STRIP1: variants seen among roughly 807,000 people sequenced by gnomAD.
The protein encoded by STRIP1 is striatin interacting protein 1.
In STRIP1, 63 loss-of-function variants were observed where a neutral mutation model predicts 106.2. That is an observed-to-expected ratio of 0.59 (90% CI 0.48 to 0.73). The LOEUF is 0.73. Among genes scored for constraint, STRIP1 ranks in the 30% least tolerant of loss-of-function variants. STRIP1 has a pLI of 0.00. For synonymous variants in STRIP1, 390 were observed against 413.0 expected, an observed-to-expected ratio of 0.94 and a Z score of 0.67; for missense variants, 857 against 1,074.8, an observed-to-expected ratio of 0.80 and a Z score of 2.83.
chr1:110,048,084 C>T (rs1035887392), intron 15 of STRIP1: 2 of 542,922 alleles, frequency 3.7e-6, no homozygotes, highest in Admixed American at 3.1e-5. Context: ...TAGACTCTAC[C>T]ACTGAGCAAA....
At chr1:110,033,152 A>C (rs1358132201), upstream of STRIP1, among the ~76,000 whole-genome samples, 1 of 152,144 alleles carries the variant, frequency 6.6e-6, no homozygotes, top group Non-Finnish European at 1.5e-5. Context: ...GAACTCATCT[A>C]AAATCACACC....
At position 110,041,542 on chromosome 1, in the gene STRIP1, G is replaced by A; in HGVS notation, c.657G>A (p.Leu219=). The A allele has an allele frequency of 6.2e-7, 1 of 1,613,764 alleles. No homozygotes were observed. The highest frequency in any genetic ancestry group is 8.5e-7 in the Non-Finnish European group (1 of 1,179,714). The change falls in exon 7 of 21, where the codon CTG becomes CTA. Residue 219 remains leucine, a synonymous_variant. Coordinates refer to ENST00000369795, the MANE Select transcript of STRIP1 (RefSeq NM_033088.4). ...AGCTGGCTCTTGTCCTCAGGGTCCT[G>A]CTCAACATCATGTACCTGATAGTGG... is the stretch of plus-strand genomic sequence containing the variant. ...SLADSTDLRV[L]LNIMYLIVET...
intron 17 of STRIP1, chr1:110,049,821 C>G (rs1238856100): frequency 2.3e-6 from 1 of 431,116 alleles, no homozygotes; most frequent in African/African-American, 2.1e-5. Context: ...ACTTTCCTCC[C>G]TGTCCCTTCT....
chr1:110,045,093 G>A lies in STRIP1; in HGVS notation c.1416+15G>A, dbSNP rs755721856. On this transcript the variant is annotated intron_variant, in intron 12 of 20. Transcript: ENST00000369795. ...CTCTGAAACAGGTGAGTGGCTTTGGGTGAGCTTTTGGCTTGTTTGGTCCTA... is the reference window on the plus strand; with the variant it reads ...CTCTGAAACAGGTGAGTGGCTTTGGATGAGCTTTTGGCTTGTTTGGTCCTA... The A allele has an allele frequency of 1.2e-6, 2 of 1,613,748 alleles. No homozygotes were observed. The highest frequency in any genetic ancestry group is 1.1e-5 in the South Asian group (1 of 91,062).
At position 110,034,676 on chromosome 1, in the gene STRIP1, G is replaced by A. The variant is rs35894520; in HGVS notation, c.39G>A (p.Val13=). ...TCGGCGGTCCGGGCCCACTGATCGT[G>A]AACAACAAACAGCCCCAGCCCCCGC... ...PAVGGPGPLI[V]NNKQPQPPPP... is the part of the protein sequence containing the mutation. Residue 13 remains valine (V), a synonymous_variant, in exon 1 of 21, where the codon GTG becomes GTA. Coordinates refer to ENST00000369795, the MANE Select transcript of STRIP1 (RefSeq NM_033088.4). The A allele has an allele frequency of 2.0e-6, 3 of 1,525,596 alleles. No homozygotes were observed. The highest frequency in any genetic ancestry group is 2.6e-6 in the Non-Finnish European group (3 of 1,137,500). 94.5% of individuals were successfully genotyped at this position (1,525,596 alleles called of 1,614,324 possible). A position where few individuals can be genotyped will look rare whatever the true frequency, so the allele number is the denominator to read the frequency against.
Position 110,040,635 on chromosome 1 carries a change from C to G in STRIP1, c.582C>G (p.Asp194Glu), listed in dbSNP as rs1441594118. 2 of 1,610,782 alleles carry G rather than the reference C, an allele frequency of 1.2e-6. No individual in the cohort carries two copies. The highest frequency in any genetic ancestry group is 1.7e-6 in the Non-Finnish European group (2 of 1,178,420). ...ALVELLNMEI[D>E]NSAACSSAVR... ...TGCTGACTCTCAAAATCTCCTGCAGCAACAGTGCCGCCTGCAGCAGTGCTG... is the reference window on the plus strand; with the variant it reads ...TGCTGACTCTCAAAATCTCCTGCAGGAACAGTGCCGCCTGCAGCAGTGCTG... Residue 194 changes from aspartate to glutamate, a missense_variant and splice_region_variant, in exon 6 of 21, where the codon GAC (aspartate) becomes GAG (glutamate). By Grantham distance (45) the Asp-to-Glu change is conservative. Around this residue, in one of 2 missense-constraint regions of STRIP1, gnomAD observed 750 missense variants for 989.8 expected, o/e 0.76. Transcript: ENST00000369795.
In STRIP1 at chr1:110,037,872, T is replaced by G. The variant is rs1271804588; in HGVS notation, c.181-19T>G. 6.3e-7 allele frequency: 1 copy of G among 1,578,172 alleles called. No homozygotes were observed. Among genetic ancestry groups the G allele is most frequent in the Non-Finnish European group, 8.7e-7 (1 of 1,148,090 alleles). On this transcript the variant is annotated intron_variant, in intron 1 of 20. Transcript: ENST00000369795. ...ATAGAATGATCCTTTTTCCTAAAGC[T>G]CTCTCCTCTTGTCAGCAGGGCTATT...
chr1:110,037,974 C>G lies in STRIP1; in HGVS notation c.250+14C>G, dbSNP rs746751124. The G allele has an allele frequency of 2.7e-5, 43 of 1,587,002 alleles. No individual in the cohort carries two copies. The Admixed American group carries it at 6.9e-4, about 25-fold the overall frequency. On this transcript the variant is annotated intron_variant, in intron 2 of 20. Transcript: ENST00000369795. Reference sequence around the variant, plus strand: ...CAGAGCTCTCGGGTAACGCACAGACCTTTGTGTTATTTGGGGGTGGTTTTT... The same window carrying G: ...CAGAGCTCTCGGGTAACGCACAGACGTTTGTGTTATTTGGGGGTGGTTTTT...
At chr1:110,031,987 A>G (rs1652204076), upstream of STRIP1, among the ~76,000 whole-genome samples, 1 of 151,436 alleles carries the variant, frequency 6.6e-6, no homozygotes, top group South Asian at 2.1e-4. Flanking sequence ...TCCCACCTCA[A>G]CTTCCCAAAG....
Position 110,034,708 on chromosome 1 carries a change from C to G in STRIP1, c.71C>G (p.Pro24Arg). Residue 24 changes from proline to arginine, a missense_variant, in exon 1 of 21, where the codon CCG becomes CGG. By Grantham distance (103) the Pro-to-Arg change is moderately radical. Coordinates refer to ENST00000369795, the MANE Select transcript of STRIP1 (RefSeq NM_033088.4). ...AAACAGCCCCAGCCCCCGCCACCTC[C>G]GCCGCCGGCAGCCGCACAGCCACCA... ...NNKQPQPPPP[P>R]PPAAAQPPPG... The G allele has an allele frequency of 6.6e-7, 1 of 1,510,170 alleles. No individual in the cohort carries two copies. Among genetic ancestry groups the G allele is most frequent in the African/African-American group, 1.5e-5 (1 of 68,830 alleles). The allele number at this position is 1,510,170 out of a possible 1,614,324, so 93.5% of individuals were successfully genotyped here.
In STRIP1 at chr1:110,043,069, T is replaced by C. The variant is rs754489349; in HGVS notation, c.886-19T>C. 2 of 1,598,730 alleles carry C rather than the reference T, an allele frequency of 1.3e-6. No individual in the cohort carries two copies. Among genetic ancestry groups the C allele is most frequent in the East Asian group, 2.3e-5 (1 of 44,368 alleles). ...GTGGACACATTGACCCTGGCTCTGC[T>C]TCCCTGTCTGTGATGCAGTGCACGC... On this transcript the variant is annotated intron_variant, in intron 8 of 20. Coordinates refer to ENST00000369795, the MANE Select transcript of STRIP1 (RefSeq NM_033088.4).
chr1:110,040,776 T>C, intron 6 of STRIP1, 73 bp downstream of exon 6: 1 of 1,282,260 alleles, frequency 7.8e-7, no homozygotes, highest in Non-Finnish European at 1.1e-6. Flanking sequence ...TGGGAGGCTG[T>C]CTGTGGGTGT....
At chr1:110,038,958 G>GAA in intron 3 of STRIP1, 1 of 714,994 alleles carries the variant, frequency 1.4e-6, no homozygotes. Flanking sequence ...TATTAGGGGA[G>GAA]AAAAAAAAAT....
upstream of STRIP1, among the ~76,000 whole-genome samples, chr1:110,033,167 G>A (rs2101758441): frequency 6.6e-6 from 1 of 152,250 alleles, no homozygotes; most frequent in Admixed American, 6.5e-5. Context: ...CACACCCTCA[G>A]GCCTGCCTTC....
In STRIP1 at chr1:110,034,869, T is replaced by C. The variant is rs913035015; in HGVS notation, c.180+52T>C. ...GCACCGGGTCGGGCGGCGCCGGGGG[T>C]CCCGGGCCCGGGGCCACTCTAGGGG... On this transcript the variant is annotated intron_variant, in intron 1 of 20. Transcript: ENST00000369795. 4 of 1,370,422 alleles carry C rather than the reference T, an allele frequency of 2.9e-6. No individual in the cohort carries two copies. The African/African-American group carries it at 6.2e-5, about 21-fold the overall frequency. 84.9% of individuals were successfully genotyped at this position (1,370,422 alleles called of 1,614,324 possible).
In STRIP1 at chr1:110,039,491, T is replaced by G. The variant is rs779209539; in HGVS notation, c.557T>G (p.Val186Gly). 6.2e-7 allele frequency: 1 copy of G among 1,606,766 alleles called. No homozygotes were observed. The highest frequency in any genetic ancestry group is 8.5e-7 in the Non-Finnish European group (1 of 1,176,638). ...GAGGTGGGCACGTTCAATGCTTTGGTGGAGCTTCTGAACATGGAAATAGAG... is the reference window on the plus strand; with the variant it reads ...GAGGTGGGCACGTTCAATGCTTTGGGGGAGCTTCTGAACATGGAAATAGAG... ...LLEVGTFNALVELLNMEIDNS... is the reference protein window; with the variant it reads ...LLEVGTFNALGELLNMEIDNS... The change falls in exon 5 of 21, where the codon GTG (valine) becomes GGG (glycine). Residue 186 changes from valine (V) to glycine (G), a missense_variant. Val to Gly is a moderately radical substitution (Grantham distance 109, BLOSUM62 -3). This residue lies in a region of STRIP1 where 750 missense variants were observed against 989.8 expected (regional missense o/e 0.76). Coordinates refer to ENST00000369795, the MANE Select transcript of STRIP1 (RefSeq NM_033088.4).
At position 110,053,662 on chromosome 1, in the gene STRIP1, C is replaced by T. The variant is rs1653402021; in HGVS notation, c.2267-3C>T. The T allele has an allele frequency of 6.2e-7, 1 of 1,613,744 alleles. No individual in the cohort carries two copies. Among genetic ancestry groups the T allele is most frequent in the Admixed American group, 1.7e-5 (1 of 59,988 alleles). ...AACGGTGTTTCTTCCTGCTTTGTCT[C>T]AGATCTTGATGCCCGGCCTTGGGAC... is the stretch of plus-strand genomic sequence containing the variant. On this transcript the variant is annotated splice_region_variant and splice_polypyrimidine_tract_variant and intron_variant, in intron 20 of 20. Coordinates refer to ENST00000369795, the MANE Select transcript of STRIP1 (RefSeq NM_033088.4).
At position 110,041,765 on chromosome 1, in the gene STRIP1, C is replaced by T; in HGVS notation, c.789C>T (p.Ala263=). ...GSPLYNNEPF[A]IMLFGMVTKF... is the part of the protein sequence containing the mutation. The stretch of plus-strand genomic sequence containing the variant: ...CGCTGTACAACAATGAGCCATTTGC[C>T]ATCATGCTGTTTGGGATGGTGACCA... The change falls in exon 8 of 21, where the codon GCC becomes GCT. Residue 263 remains alanine (A), a synonymous_variant. Transcript: ENST00000369795. 1 of 1,614,114 alleles carries T rather than the reference C, an allele frequency of 6.2e-7. No homozygotes were observed.
At chr1:110,040,432 T>C (rs1166391945) in intron 5 of STRIP1, among the ~76,000 whole-genome samples, 1 of 152,218 alleles carries the variant, frequency 6.6e-6, no homozygotes, top group Non-Finnish European at 1.5e-5. Flanking sequence ...TCCACCCGCC[T>C]CGGCCTCCCG....
Sources: allele counts gnomAD v4.1 joint callset (sites outside exome capture counted in the v4.1 genomes callset), GRCh38; gene constraint gnomAD v4.1.1; regional missense constraint gnomAD v4.1.1; transcripts MANE v1.5; gene names NCBI Gene and HGNC (gene_info 2026-07-23, HGNC 2026-07-21).